FARP1: variants seen among roughly 807,000 people sequenced by gnomAD.
The protein encoded by FARP1 is FERM, ARHGEF and pleckstrin domain-containing protein 1.
In FARP1, 52 loss-of-function variants were observed where a neutral mutation model predicts 128.8. That is an observed-to-expected ratio of 0.40 (90% CI 0.32 to 0.51). The LOEUF is 0.51. Ranked by LOEUF, FARP1 falls within the 20% of genes least tolerant of loss-of-function variation. The pLI, the probability that FARP1 is intolerant of heterozygous loss-of-function variation, is 0.45. For synonymous variants in FARP1, 580 were observed against 551.8 expected, an observed-to-expected ratio of 1.05 and a Z score of -0.72; for missense variants, 1,333 against 1,367.9, an observed-to-expected ratio of 0.97 and a Z score of 0.40.
intron 5 of FARP1, among the ~76,000 whole-genome samples, chr13:98,373,478 A>G (rs12854777): frequency 0.22 from 32,606 of 150,814 alleles, 4,472 homozygotes; most frequent in Non-Finnish European, 0.32. Context: ...TGAGGTTTAG[A>G]TTGTTTTATA....
intron 2 of FARP1, chr13:98,332,659 A>G (rs918743120): frequency 6.6e-6 from 1 of 152,244 alleles, no homozygotes; most frequent in Non-Finnish European, 1.5e-5. Context: ...GTCTCCTTCT[A>G]AGGGGTAAGA....
chr13:98,247,424 A>G (rs1010824978), intron 2 of FARP1, among the ~76,000 whole-genome samples: 3 of 152,194 alleles, frequency 2.0e-5, no homozygotes, highest in Admixed American at 2.0e-4. Flanking sequence ...TAAGCTCTAA[A>G]TGACCAGGCC....
intron 3 of FARP1, among the ~76,000 whole-genome samples, chr13:98,363,585 C>T (rs1213031478): frequency 2.0e-5 from 3 of 152,090 alleles, no homozygotes; most frequent in Admixed American, 1.3e-4. Flanking sequence ...ATCATCTCAG[C>T]GCCTGGTAAC....
chr13:98,171,886 C>T (rs1168229967), intron 1 of FARP1, among the ~76,000 whole-genome samples: 1 of 152,162 alleles, frequency 6.6e-6, no homozygotes, highest in Non-Finnish European at 1.5e-5. Flanking sequence ...TATCTGCACA[C>T]GCGCTCGGTC....
chr13:98,200,473 TG>T (rs1301280303), intron 1 of FARP1, among the ~76,000 whole-genome samples: 1 of 148,242 alleles, frequency 6.7e-6, no homozygotes, highest in Non-Finnish European at 1.5e-5. Flanking sequence ...GCAGGTGATG[TG>T]GATGCTGATT....
At chr13:98,285,605 C>CT (rs1885128098) in intron 2 of FARP1, among the ~76,000 whole-genome samples, 1 of 151,994 alleles carries the variant, frequency 6.6e-6, no homozygotes, top group African/African-American at 2.4e-5. Flanking sequence ...ATCATCAGCC[C>CT]TTTTTACATC....
intron 18 of FARP1, 179 bp downstream of exon 18, chr13:98,431,459 T>C: frequency 2.1e-6 from 1 of 484,362 alleles, no homozygotes; most frequent in Non-Finnish European, 3.6e-6. Flanking sequence ...GGTTACATCT[T>C]GATTTTTTTT....
chr13:98,149,782 G>A (rs1288066525), intron 1 of FARP1, among the ~76,000 whole-genome samples: 3 of 118,814 alleles, frequency 2.5e-5, no homozygotes, highest in Non-Finnish European at 4.8e-5. Flanking sequence ...CTGTTGCCCA[G>A]GCTGGAGTGC....
At chr13:98,397,069 G>A (rs1467287249) in intron 13 of FARP1, 1 of 152,178 alleles carries the variant, frequency 6.6e-6, no homozygotes, top group East Asian at 1.9e-4. Flanking sequence ...TATTTTAATG[G>A]GAAGAATTTG....
At position 98,158,313 on chromosome 13, in the gene FARP1, T is replaced by C. The variant is rs181635476; in HGVS notation, c.-24+14821T>C. Among the ~76,000 whole-genome samples, 4 of 152,330 alleles carry C rather than the reference T, an allele frequency of 2.6e-5. No homozygotes were observed. In the East Asian group the frequency reaches 5.8e-4, roughly 22 times the overall value. ...AGCCTGCTACACATATAAAAAGTCA[T>C]GTAAGACATACTTTGGCTACAGAAC... On this transcript the variant is annotated intron_variant, in intron 1 of 26. Transcript: ENST00000319562.
In FARP1 at chr13:98,168,934, A is replaced by T. The variant is rs116566656; in HGVS notation, c.-24+25442A>T. ...GTGGTTTGCAGTGCAGTCTTTGTTTAACTCAATGTTGGTGTGTATATCATT... is the reference window on the plus strand; with the variant it reads ...GTGGTTTGCAGTGCAGTCTTTGTTTTACTCAATGTTGGTGTGTATATCATT... On this transcript the variant is annotated intron_variant, in intron 1 of 26. Coordinates refer to ENST00000319562, the MANE Select transcript of FARP1 (RefSeq NM_005766.4). 5.8e-3 allele frequency among the ~76,000 whole-genome samples: 880 copies of T among 152,304 alleles called. 8 individuals are homozygous for T. The highest frequency in any genetic ancestry group is 0.02 in the African/African-American group (841 of 41,566).
At chr13:98,318,950 G>GTTTTTTTTTTTTTTTTTTTTT (rs56166470) in intron 2 of FARP1, among the ~76,000 whole-genome samples, 22 of 120,660 alleles carry the variant, frequency 1.8e-4, no homozygotes, top group African/African-American at 4.2e-4. Flanking sequence ...GTTTTTTCTT[G>GTTTTTTTTTTTTTTTTTTTTT]TTTTTTTTTT....
At position 98,286,273 on chromosome 13, in the gene FARP1, T is replaced by C. The variant is rs183061577; in HGVS notation, c.172-57489T>C. Among the ~76,000 whole-genome samples, 16 of 152,302 alleles carry C rather than the reference T, an allele frequency of 1.1e-4. No individual in the cohort carries two copies. The East Asian group carries it at 3.1e-3, about 29-fold the overall frequency. On this transcript the variant is annotated intron_variant, in intron 2 of 26. Transcript: ENST00000319562. ...CCTGAGCACAAGCCTCATTATTTCATAGAGCCCTCCTGTGACCAGCTGGTC... is the reference window on the plus strand; with the variant it reads ...CCTGAGCACAAGCCTCATTATTTCACAGAGCCCTCCTGTGACCAGCTGGTC...
Position 98,446,121 on chromosome 13 carries a change from G to T in FARP1, c.2820G>T (p.Leu940=). ...AVENQLSGNL[L]RKFKNSNGWQ... ...AGAATCAGTTGTCTGGAAACCTGCT[G>T]AGGAAATTCAAAAACAGCAACGGGT... The change falls in exon 25 of 27, where the codon CTG becomes CTT. Residue 940 remains leucine (L), a synonymous_variant. Transcript: ENST00000319562. 1 of 1,614,010 alleles carries T rather than the reference G, an allele frequency of 6.2e-7. No individual in the cohort carries two copies. Among genetic ancestry groups the T allele is most frequent in the Non-Finnish European group, 8.5e-7 (1 of 1,179,858 alleles).
At position 98,393,793 on chromosome 13, in the gene FARP1, G is replaced by C. The variant is rs1006705182; in HGVS notation, c.1164+75G>C. On this transcript the variant is annotated intron_variant, in intron 12 of 26. Transcript: ENST00000319562. ...TCCACGGAGCCCTGGGCTTCAGAGC[G>C]GGCTTTCTTGTTCTCTGTCCTTTCC... The C allele has an allele frequency of 1.3e-5, 15 of 1,117,954 alleles. No homozygotes were observed. The Admixed American group carries it at 1.7e-4, about 13-fold the overall frequency. 69.3% of individuals were successfully genotyped at this position (1,117,954 alleles called of 1,614,324 possible). A position where few individuals can be genotyped will look rare whatever the true frequency, so the allele number is the denominator to read the frequency against.
In FARP1 at chr13:98,276,272, A is replaced by G. The variant is rs554315359; in HGVS notation, c.171+62859A>G. Among the ~76,000 whole-genome samples, 5 of 152,346 alleles carry G rather than the reference A, an allele frequency of 3.3e-5. No individual in the cohort carries two copies. In the South Asian group the frequency reaches 6.2e-4, roughly 19 times the overall value. The stretch of plus-strand genomic sequence containing the variant: ...ATTGAGTGTTGTAGAGTCTCTGAAA[A>G]AGATATTTAGAAGCACCAGAGCCTG... On this transcript the variant is annotated intron_variant, in intron 2 of 26. Coordinates refer to ENST00000319562, the MANE Select transcript of FARP1 (RefSeq NM_005766.4).
chr13:98,148,098 A>G (rs774695), intron 1 of FARP1, among the ~76,000 whole-genome samples: 81,317 of 152,110 alleles, frequency 0.53, 25,023 homozygotes, highest in East Asian at 0.71. Context: ...AAAAAAGACA[A>G]TAAGGTGCGG....
Position 98,365,048 on chromosome 13 carries a change from G to A in FARP1, c.277-347G>A, listed in dbSNP as rs369734450. ...TATTCTGTTTCAATAAGGAATGTAC[G>A]TATTTCACTCGGCTGATAGTCACAA... On this transcript the variant is annotated intron_variant, in intron 3 of 26. Transcript: ENST00000319562. Among the ~76,000 whole-genome samples, 65 of 152,240 alleles carry A rather than the reference G, an allele frequency of 4.3e-4. 1 individual carries two copies. Among genetic ancestry groups the A allele is most frequent in the African/African-American group, 1.4e-3 (60 of 41,546 alleles).
Position 98,429,586 on chromosome 13 carries a change from G to A in FARP1, c.1906-1457G>A, listed in dbSNP as rs539799413. On this transcript the variant is annotated intron_variant, in intron 17 of 26. Transcript: ENST00000319562. Reference sequence around the variant, plus strand: ...TTCATACAAGGAAAGAATGTGGAGTGTACCCCAGGTTTTAATGTCGTGAGT... The same window carrying A: ...TTCATACAAGGAAAGAATGTGGAGTATACCCCAGGTTTTAATGTCGTGAGT... Among the ~76,000 whole-genome samples, 81 of 152,316 alleles carry A rather than the reference G, an allele frequency of 5.3e-4. No homozygotes were observed. In the South Asian group the frequency reaches 0.01, roughly 19 times the overall value.
Sources: allele counts gnomAD v4.1 joint callset (sites outside exome capture counted in the v4.1 genomes callset), GRCh38; gene constraint gnomAD v4.1.1; transcripts MANE v1.5; gene names NCBI Gene and HGNC (gene_info 2026-07-23, HGNC 2026-07-21).